The following SWAP70 variants were observed in gnomAD, a reference collection of about 807,000 sequenced individuals.
SWAP70 encodes the protein switching B cell complex subunit SWAP70.
In SWAP70, 34 loss-of-function variants were observed where a neutral mutation model predicts 80.2. The observed-to-expected ratio is 0.42, with a 90% CI of 0.32 to 0.56. SWAP70 has a LOEUF of 0.56. Among genes scored for constraint, SWAP70 ranks in the 20% least tolerant of loss-of-function variants. The pLI is 0.09. For missense variants in SWAP70, 578 were observed against 690.7 expected, an observed-to-expected ratio of 0.84 and a Z score of 1.83; for synonymous variants, 239 against 238.5, an observed-to-expected ratio of 1.00 and a Z score of -0.02.
intron 3 of SWAP70, among the ~76,000 whole-genome samples, chr11:9,718,991 T>G (rs1326793000): frequency 6.8e-6 from 1 of 147,940 alleles, no homozygotes; most frequent in Admixed American, 6.8e-5. Context: ...TCTCAGCTAC[T>G]CGGGAGGCTG....
intron 1 of SWAP70, among the ~76,000 whole-genome samples, chr11:9,671,579 T>TATATAA (rs1565109563): frequency 1.7e-5 from 1 of 58,144 alleles, no homozygotes. Flanking sequence ...TATATAGAAA[T>TATATAA]ATATTTCTAT....
intron 1 of SWAP70, among the ~76,000 whole-genome samples, chr11:9,689,173 A>G (rs1850666628): frequency 6.6e-6 from 1 of 152,198 alleles, no homozygotes; most frequent in Non-Finnish European, 1.5e-5. Context: ...CACGTTTTAA[A>G]TAACTTTTTA....
chr11:9,692,358 C>A (rs1850707632), intron 1 of SWAP70, among the ~76,000 whole-genome samples: 1 of 151,606 alleles, frequency 6.6e-6, no homozygotes, highest in Admixed American at 6.6e-5. Context: ...AACTTGTCTT[C>A]CTTTCACAGT....
intron 8 of SWAP70, among the ~76,000 whole-genome samples, chr11:9,739,015 T>C (rs1396251414): frequency 6.6e-6 from 1 of 152,114 alleles, no homozygotes; most frequent in Non-Finnish European, 1.5e-5. Flanking sequence ...ATTTGGAAAA[T>C]AAATAGTTAT....
At chr11:9,693,398 C>G (rs1850718537) in intron 1 of SWAP70, among the ~76,000 whole-genome samples, 1 of 152,218 alleles carries the variant, frequency 6.6e-6, no homozygotes, top group South Asian at 2.1e-4. Flanking sequence ...ACCAGTAGCC[C>G]TTTATATGTA....
At chr11:9,723,529 G>A (rs1019070697) in intron 3 of SWAP70, among the ~76,000 whole-genome samples, 9 of 152,114 alleles carry the variant, frequency 5.9e-5, no homozygotes, top group African/African-American at 2.2e-4. Context: ...GTTTGATGTG[G>A]GGGTTGGGGA....
At chr11:9,744,163 C>T (rs1208083503) in intron 9 of SWAP70, among the ~76,000 whole-genome samples, 2 of 152,052 alleles carry the variant, frequency 1.3e-5, no homozygotes, top group Non-Finnish European at 2.9e-5. Flanking sequence ...GGGGTTTAAC[C>T]GTGTTAGCCG....
intron 3 of SWAP70, among the ~76,000 whole-genome samples, chr11:9,721,121 T>C (rs918259199): frequency 6.6e-6 from 1 of 152,210 alleles, no homozygotes; most frequent in African/African-American, 2.4e-5. Flanking sequence ...TGGCGTTCAA[T>C]CTCTTAATCT....
At chr11:9,715,039 A>G (rs952228357) in intron 3 of SWAP70, among the ~76,000 whole-genome samples, 3 of 146,808 alleles carry the variant, frequency 2.0e-5, no homozygotes, top group African/African-American at 5.1e-5. Flanking sequence ...CAGTGGTGCA[A>G]TCATGGCTCA....
intron 1 of SWAP70, among the ~76,000 whole-genome samples, chr11:9,667,828 T>C (rs1850327564): frequency 6.6e-6 from 1 of 152,234 alleles, no homozygotes; most frequent in African/African-American, 2.4e-5. Flanking sequence ...CTCAAAATGC[T>C]GGGATTACAG....
intron 1 of SWAP70, among the ~76,000 whole-genome samples, chr11:9,677,371 T>C (rs983254646): frequency 6.6e-6 from 1 of 151,774 alleles, no homozygotes; most frequent in African/African-American, 2.4e-5. Context: ...AACATGTATA[T>C]TAAAAAGAAG....
At chr11:9,677,952 T>C (rs1590012486) in intron 1 of SWAP70, among the ~76,000 whole-genome samples, 1 of 152,360 alleles carries the variant, frequency 6.6e-6, no homozygotes, top group African/African-American at 2.4e-5. Flanking sequence ...ATACCATGTT[T>C]TCTGTTCCCA....
intron 2 of SWAP70, among the ~76,000 whole-genome samples, chr11:9,698,293 G>T (rs1850787251): frequency 6.6e-6 from 1 of 151,928 alleles, no homozygotes; most frequent in South Asian, 2.1e-4. Flanking sequence ...TTGAGATGGG[G>T]TTTTACCATG....
At chr11:9,673,129 C>G (rs575671589) in intron 1 of SWAP70, among the ~76,000 whole-genome samples, 1 of 152,180 alleles carries the variant, frequency 6.6e-6, no homozygotes, top group Admixed American at 6.5e-5. Flanking sequence ...AGTGTCAGAT[C>G]GCACAGTTTG....
At chr11:9,745,450 C>G (rs1253213335) in intron 9 of SWAP70, among the ~76,000 whole-genome samples, 1 of 152,156 alleles carries the variant, frequency 6.6e-6, no homozygotes, top group Non-Finnish European at 1.5e-5. Flanking sequence ...GACCAAGAAG[C>G]TAATTTAACA....
intron 4 of SWAP70, among the ~76,000 whole-genome samples, chr11:9,725,569 A>ATATATATATTTTTTT (rs1554892086): frequency 3.8e-5 from 1 of 26,616 alleles, no homozygotes; most frequent in African/African-American, 1.6e-4. Flanking sequence ...ATATATATAT[A>ATATATATATTTTTTT]TTTTTTTTTT....
At chr11:9,707,803 G>A (rs569775508) in intron 2 of SWAP70, among the ~76,000 whole-genome samples, 234 of 152,110 alleles carry the variant, frequency 1.5e-3, no homozygotes, top group African/African-American at 5.4e-3. Flanking sequence ...TGATCCACCT[G>A]CGTTGGCCTC....
chr11:9,671,882 AT>A (rs1224576916), intron 1 of SWAP70, among the ~76,000 whole-genome samples: 2 of 87,100 alleles, frequency 2.3e-5, no homozygotes, highest in Non-Finnish European at 3.5e-5. Flanking sequence ...TTTAAATATA[AT>A]TTTAATTTAA....
At chr11:9,737,954 A>G (rs533123873) in intron 7 of SWAP70, among the ~76,000 whole-genome samples, 17 of 152,372 alleles carry the variant, frequency 1.1e-4, no homozygotes, top group Admixed American at 1.1e-3. Flanking sequence ...ATTTAATTCA[A>G]TGACTGTACT....
Sources: gnomAD v4.1 joint callset for allele counts (sites outside exome capture counted in the v4.1 genomes callset) on GRCh38, gnomAD v4.1.1 for gene constraint, MANE v1.5 for transcripts, NCBI Gene and HGNC (gene_info 2026-07-23, HGNC 2026-07-21) for gene names.